The following DHRS9 variants were observed in gnomAD, a reference collection of about 807,000 sequenced individuals.
The protein encoded by DHRS9 is dehydrogenase/reductase 9, also known as dehydrogenase/reductase SDR family member 9.
DHRS9 carries 18 observed loss-of-function variants against 26.6 expected under a neutral mutation model. The ratio of observed to expected loss-of-function variants is 0.68; its 90% CI spans 0.47 to 1.00. DHRS9 has a LOEUF of 1.00. DHRS9 is among the 50% of genes least tolerant of loss of function. DHRS9 has a pLI of 0.00. For missense variants in DHRS9, 425 were observed against 378.7 expected (o/e 1.12, Z -1.01); for synonymous variants, 134 against 141.1 (o/e 0.95, Z 0.36).
chr2:169,075,536 A>G (rs555265805), intron 1 of DHRS9, among the ~76,000 whole-genome samples: 1 of 152,156 alleles, frequency 6.6e-6, no homozygotes, highest in South Asian at 2.1e-4. Context: ...ATGCAATACT[A>G]TTTATCAAAT....
intron 1 of DHRS9, chr2:169,070,814 C>G (rs1025137747): frequency 1.1e-6 from 1 of 944,326 alleles, no homozygotes; most frequent in African/African-American, 1.8e-5. Context: ...CCTGTAATCC[C>G]AGCACTTTGG....
chr2:169,070,610 C>A (rs1193011016), intron 1 of DHRS9: 6 of 984,620 alleles, frequency 6.1e-6, no homozygotes, highest in East Asian at 1.1e-4. Flanking sequence ...CCTTTCTATT[C>A]TATTTTTAAT....
intron 2 of DHRS9, among the ~76,000 whole-genome samples, chr2:169,082,176 A>G (rs1684211806): frequency 6.6e-6 from 1 of 152,132 alleles, no homozygotes; most frequent in South Asian, 2.1e-4. Context: ...TCTCCTGTAA[A>G]GGGCTATTCT....
At chr2:169,070,849 G>T in intron 1 of DHRS9, 3 of 603,880 alleles carry the variant, frequency 5.0e-6, no homozygotes, top group Non-Finnish European at 6.2e-6. Flanking sequence ...CGGATCACAA[G>T]GTCAGGAGAT....
At chr2:169,090,725 A>G (rs907253412) in intron 3 of DHRS9, among the ~76,000 whole-genome samples, 4 of 152,244 alleles carry the variant, frequency 2.6e-5, no homozygotes, top group Non-Finnish European at 5.9e-5. Context: ...GGTTTGCTGT[A>G]CAGGTGGTCC....
chr2:169,080,584 C>T (rs975625429), intron 1 of DHRS9, among the ~76,000 whole-genome samples: 3 of 152,190 alleles, frequency 2.0e-5, no homozygotes, highest in South Asian at 2.1e-4. Flanking sequence ...TGAGGGGAAA[C>T]GCAGATGCAG....
At chr2:169,076,011 C>G (rs1238159158) in intron 1 of DHRS9, among the ~76,000 whole-genome samples, 1 of 152,202 alleles carries the variant, frequency 6.6e-6, no homozygotes, top group Middle Eastern at 3.2e-3. Context: ...ATTTGACCCA[C>G]TAGTTTTAGC....
chr2:169,090,110 A>T (rs1558955758), intron 3 of DHRS9, among the ~76,000 whole-genome samples: 1 of 152,202 alleles, frequency 6.6e-6, no homozygotes, highest in Non-Finnish European at 1.5e-5. Flanking sequence ...GAATCATGGA[A>T]CTAGTATTTT....
chr2:169,078,815 CTT>C (rs200691133), intron 1 of DHRS9, among the ~76,000 whole-genome samples: 67 of 110,354 alleles, frequency 6.1e-4, no homozygotes, highest in East Asian at 2.1e-3. Flanking sequence ...TATCAACTGA[CTT>C]TTTTTTTTTT....
At chr2:169,082,443 C>T (rs950384478) in intron 2 of DHRS9, among the ~76,000 whole-genome samples, 3 of 152,128 alleles carry the variant, frequency 2.0e-5, no homozygotes, top group African/African-American at 7.2e-5. Flanking sequence ...GTATTCTGAA[C>T]TAGAAGAATT....
chr2:169,075,550 A>C (rs1354007883), intron 1 of DHRS9, among the ~76,000 whole-genome samples: 1 of 152,170 alleles, frequency 6.6e-6, no homozygotes, highest in Non-Finnish European at 1.5e-5. Flanking sequence ...ATCAAATTTT[A>C]AGATCTTATT....
intron 1 of DHRS9, among the ~76,000 whole-genome samples, chr2:169,072,898 C>T (rs1683850076): frequency 6.6e-6 from 1 of 152,130 alleles, no homozygotes; most frequent in South Asian, 2.1e-4. Context: ...ATGACCTCTA[C>T]TCTACACCAG....
At chr2:169,084,929 C>T (rs1244538107) in intron 3 of DHRS9, among the ~76,000 whole-genome samples, 1 of 152,080 alleles carries the variant, frequency 6.6e-6, no homozygotes, top group Non-Finnish European at 1.5e-5. Context: ...TGGAGAGTTA[C>T]TCCAATGTTT....
chr2:169,076,427 T>G (rs1196603328), intron 1 of DHRS9, among the ~76,000 whole-genome samples: 1 of 152,344 alleles, frequency 6.6e-6, no homozygotes, highest in East Asian at 1.9e-4. Context: ...GAACACAATG[T>G]TTAGAAATTG....
At chr2:169,067,273 T>G (rs1312123620), upstream of DHRS9, 28 of 1,535,222 alleles carry the variant, frequency 1.8e-5, no homozygotes, top group Non-Finnish European at 2.4e-5. Flanking sequence ...CTGGAGTAAG[T>G]GCTTTCCTCC....
chr2:169,086,239 T>G (rs934721170), intron 3 of DHRS9, among the ~76,000 whole-genome samples: 2 of 152,322 alleles, frequency 1.3e-5, no homozygotes, highest in Non-Finnish European at 2.9e-5. Flanking sequence ...ACTAATTTTT[T>G]TATTTTGCTT....
At chr2:169,095,433 A>T (rs1287511575) in intron 4 of DHRS9, 111 bp from the exon 5 acceptor site, 15 of 836,808 alleles carry the variant, frequency 1.8e-5, no homozygotes, top group Non-Finnish European at 2.8e-5. Context: ...CTCAATTATA[A>T]TGGACAATTC....
intron 1 of DHRS9, among the ~76,000 whole-genome samples, chr2:169,080,644 C>T (rs1012128643): frequency 1.3e-5 from 2 of 152,222 alleles, no homozygotes; most frequent in African/African-American, 4.8e-5. Context: ...GATTTTAGGC[C>T]CTAGGCTACC....
intron 4 of DHRS9, among the ~76,000 whole-genome samples, chr2:169,094,507 A>C (rs1684632408): frequency 6.6e-6 from 1 of 150,838 alleles, no homozygotes; most frequent in Admixed American, 6.6e-5. Flanking sequence ...TGCCCAGACC[A>C]ATGTCAAGAA....
Sources: allele counts gnomAD v4.1 joint callset (sites outside exome capture counted in the v4.1 genomes callset), GRCh38; gene constraint gnomAD v4.1.1; transcripts MANE v1.5; gene names NCBI Gene and HGNC (gene_info 2026-07-23, HGNC 2026-07-21).